Variants in WASL observed in about 807,000 individuals in gnomAD.
WASL encodes WASP like actin nucleation promoting factor, also known as actin nucleation-promoting factor WASL.
A neutral mutation model predicts 55.5 loss-of-function variants in WASL; 20 were observed. That is an observed-to-expected ratio of 0.36 (90% CI 0.25 to 0.52). The LOEUF (loss-of-function observed/expected upper bound fraction) is 0.52. WASL is among the 20% of genes least tolerant of loss of function. WASL has a pLI of 0.92. For synonymous variants in WASL, 249 were observed against 217.6 expected, an observed-to-expected ratio of 1.14 and a Z score of -1.27; for missense variants, 504 against 622.5, an observed-to-expected ratio of 0.81 and a Z score of 2.03.
At chr7:123,726,792 T>C (rs933153995) in intron 1 of WASL, among the ~76,000 whole-genome samples, 2 of 152,036 alleles carry the variant, frequency 1.3e-5, no homozygotes, top group South Asian at 2.1e-4. Context: ...CTTGAACCCA[T>C]GAGGCAGAGG....
At chr7:123,701,651 A>ATAG in intron 5 of WASL, among the ~76,000 whole-genome samples, 2 of 152,244 alleles carry the variant, frequency 1.3e-5, no homozygotes, top group Non-Finnish European at 2.9e-5. Context: ...AGGATCTGAG[A>ATAG]CAAAGCACCT....
chr7:123,699,077 T>C (rs749465562), intron 5 of WASL, among the ~76,000 whole-genome samples: 10 of 152,202 alleles, frequency 6.6e-5, no homozygotes, highest in Non-Finnish European at 1.0e-4. Flanking sequence ...AAGACAGAAT[T>C]AGGAGTATCA....
rs577232647 is a variant in WASL at position 123,747,222 on chromosome 7, T to G, written c.117+1396A>C. On this transcript the variant is annotated intron_variant, in intron 1 of 10. Coordinates refer to ENST00000223023, the MANE Select transcript of WASL (RefSeq NM_003941.4). ...TCTAGTTCTGGTTACATTATTAAAT[T>G]GCTGTATGACTTGGGCTCACTGGAT... Among the ~76,000 whole-genome samples, 9 of 152,300 alleles carry G rather than the reference T, an allele frequency of 5.9e-5. No individual in the cohort carries two copies. The East Asian group carries it at 1.7e-3, about 29-fold the overall frequency.
chr7:123,736,790 G>A (rs536981301), intron 1 of WASL, among the ~76,000 whole-genome samples: 1 of 152,240 alleles, frequency 6.6e-6, no homozygotes, highest in South Asian at 2.1e-4. Context: ...GCCTCAATAT[G>A]TCAATCTTCC....
chr7:123,742,136 C>T (rs561886455), intron 1 of WASL, among the ~76,000 whole-genome samples: 77 of 152,344 alleles, frequency 5.1e-4, no homozygotes, highest in African/African-American at 1.7e-3. Context: ...TCCTCAAGAG[C>T]TGTGCTTTCT....
intron 1 of WASL, among the ~76,000 whole-genome samples, chr7:123,739,486 C>T (rs1280364111): frequency 6.6e-6 from 1 of 152,130 alleles, no homozygotes; most frequent in African/African-American, 2.4e-5. Context: ...CTTTGAGTAC[C>T]CATGCAACCA....
chr7:123,693,620 T>C (rs1803447987), intron 8 of WASL, among the ~76,000 whole-genome samples: 1 of 152,216 alleles, frequency 6.6e-6, no homozygotes, highest in African/African-American at 2.4e-5. Context: ...ATTCCAGTAG[T>C]CATGATATTA....
chr7:123,739,769 G>C (rs927580443), intron 1 of WASL, among the ~76,000 whole-genome samples: 24 of 151,916 alleles, frequency 1.6e-4, no homozygotes, highest in Non-Finnish European at 2.9e-4. Flanking sequence ...TAAGCTGCTT[G>C]TTTCTGACAT....
At chr7:123,730,621 A>C (rs1804121605) in intron 1 of WASL, among the ~76,000 whole-genome samples, 1 of 152,204 alleles carries the variant, frequency 6.6e-6, no homozygotes, top group Non-Finnish European at 1.5e-5. Context: ...ATTAAAACCA[A>C]AGAATGGGAG....
At chr7:123,722,160 T>A (rs1405995455) in intron 1 of WASL, among the ~76,000 whole-genome samples, 1 of 152,192 alleles carries the variant, frequency 6.6e-6, no homozygotes, top group Non-Finnish European at 1.5e-5. Context: ...ACCTGCTACA[T>A]TTCAAGTGCG....
chr7:123,685,981 G>GT (rs2116761893), intron 10 of WASL, among the ~76,000 whole-genome samples: 1 of 149,776 alleles, frequency 6.7e-6, no homozygotes, highest in South Asian at 2.1e-4. Flanking sequence ...TAAAAAGCCA[G>GT]TAAGACTAGG....
In WASL at chr7:123,706,300, A is replaced by T. The variant is rs1269020619; in HGVS notation, c.413T>A (p.Leu138Ter). 1 of 1,613,534 alleles carries T rather than the reference A, an allele frequency of 6.2e-7. No individual in the cohort carries two copies. Among genetic ancestry groups the T allele is most frequent in the Non-Finnish European group, 8.5e-7 (1 of 1,179,718 alleles). Residue 138 changes from leucine to a stop codon, truncating the protein, a stop_gained, in exon 4 of 11, where the codon TTG (leucine) becomes TAG (stop). Coordinates refer to ENST00000223023, the MANE Select transcript of WASL (RefSeq NM_003941.4). LOFTEE classifies it high-confidence loss of function. ...KKFRKAVTDL[L>*]GRRQRKSEKR... ...ACCAGATTTCCTTTGTCGACGGCCC[A>T]AAAGGTCTGTAACTGCTTTTCGAAA...
intron 1 of WASL, 123 bp from the exon 2 acceptor site, chr7:123,709,346 C>A: frequency 4.3e-6 from 3 of 697,770 alleles, no homozygotes; most frequent in Non-Finnish European, 6.4e-6. Context: ...TTCACAGAAA[C>A]AAGGAAATAA....
At chr7:123,692,937 C>T in intron 8 of WASL, 70 bp from the exon 9 acceptor site, 1 of 1,316,512 alleles carries the variant, frequency 7.6e-7, no homozygotes, top group Non-Finnish European at 9.7e-7. Context: ...AAAAGTAATT[C>T]ATTTTAACAT....
At chr7:123,718,411 T>C (rs976998047) in intron 1 of WASL, among the ~76,000 whole-genome samples, 14 of 152,150 alleles carry the variant, frequency 9.2e-5, no homozygotes, top group African/African-American at 3.4e-4. Flanking sequence ...ACGAAACAAC[T>C]TTTGAACATA....
intron 1 of WASL, among the ~76,000 whole-genome samples, chr7:123,719,181 T>G (rs1803894509): frequency 6.6e-6 from 1 of 152,242 alleles, no homozygotes; most frequent in Admixed American, 6.5e-5. Context: ...ATATTTTACA[T>G]GTGTTCTGAT....
At position 123,696,744 on chromosome 7, in the gene WASL, G is replaced by A; in HGVS notation, c.464C>T (p.Pro155Leu). 6.5e-7 allele frequency: 1 copy of A among 1,543,460 alleles called. No individual in the cohort carries two copies. Among genetic ancestry groups the A allele is most frequent in the Non-Finnish European group, 8.7e-7 (1 of 1,148,334 alleles). Residue 155 changes from proline (P) to leucine (L), a missense_variant, in exon 6 of 11, where the codon CCT (proline) becomes CTT (leucine). Coordinates refer to ENST00000223023, the MANE Select transcript of WASL (RefSeq NM_003941.4). Reference protein sequence around the residue: ...SEKRRDPPNGPNLPMATVDIK... With the variant: ...SEKRRDPPNGLNLPMATVDIK... ...ATCAACTGTAGCCATGGGTAGATTA[G>A]GACCTGCAAATAAAACCAAATTATA...
At chr7:123,720,293 C>G (rs1490862623) in intron 1 of WASL, 6 of 426,578 alleles carry the variant, frequency 1.4e-5, no homozygotes, top group Non-Finnish European at 2.8e-5. Flanking sequence ...AAAATACACA[C>G]TCATTAAATA....
At chr7:123,693,376 A>G (rs1214237040) in intron 8 of WASL, among the ~76,000 whole-genome samples, 2 of 152,222 alleles carry the variant, frequency 1.3e-5, no homozygotes, top group African/African-American at 4.8e-5. Context: ...GCCCAAATAT[A>G]ATGCTTTCCT....
Sources: allele counts gnomAD v4.1 joint callset (sites outside exome capture counted in the v4.1 genomes callset), GRCh38; gene constraint gnomAD v4.1.1; transcripts MANE v1.5; gene names NCBI Gene and HGNC (gene_info 2026-07-23, HGNC 2026-07-21).